Variants in MUC13 observed in about 807,000 individuals in gnomAD.
The protein encoded by MUC13 is mucin 13, cell surface associated.
Under a neutral mutation model 48.3 loss-of-function variants are expected in MUC13, and 32 were observed. That is an observed-to-expected ratio of 0.66 (90% CI 0.50 to 0.89). The LOEUF is 0.89. Among genes scored for constraint, MUC13 ranks in the 40% least tolerant of loss-of-function variants. The pLI, the probability that MUC13 is intolerant of heterozygous loss-of-function variation, is 0.00. For synonymous variants in MUC13, 199 were observed against 224.9 expected (o/e 0.88, Z 1.03); for missense variants, 571 against 622.8 (o/e 0.92, Z 0.88).
chr3:124,931,379 C>A (rs1275316390), intron 1 of MUC13, among the ~76,000 whole-genome samples: 2 of 144,460 alleles, frequency 1.4e-5, no homozygotes, highest in Admixed American at 7.1e-5. Context: ...TGCAGCGAGC[C>A]AAGATCGTGA....
chr3:124,922,192 C>G lies in MUC13; in HGVS notation c.744+5G>C. 6.2e-7 allele frequency: 1 copy of G among 1,613,640 alleles called. No homozygotes were observed. Among genetic ancestry groups the G allele is most frequent in the Non-Finnish European group, 8.5e-7 (1 of 1,179,872 alleles). On this transcript the variant is annotated splice_donor_5th_base_variant and intron_variant, in intron 4 of 11. Coordinates refer to ENST00000616727, the MANE Select transcript of MUC13 (RefSeq NM_033049.4). Reference sequence around the variant, plus strand: ...TTACAGAAAGGAAAGTTGGAAAATACTTACCAAGCTAGTAATTTCACTATG... The same window carrying G: ...TTACAGAAAGGAAAGTTGGAAAATAGTTACCAAGCTAGTAATTTCACTATG...
chr3:124,911,349 C>T (rs1382622683), intron 9 of MUC13, among the ~76,000 whole-genome samples: 1 of 152,194 alleles, frequency 6.6e-6, no homozygotes, highest in African/African-American at 2.4e-5. Context: ...ACTGGCAAAT[C>T]TGGGAAAGAC....
At chr3:124,919,354 TGG>T (rs1491245712) in intron 5 of MUC13, among the ~76,000 whole-genome samples, 3 of 103,360 alleles carry the variant, frequency 2.9e-5, no homozygotes, top group Non-Finnish European at 6.0e-5. Flanking sequence ...AAAAAAAAAA[TGG>T]TTTTTTTTTT....
At chr3:124,920,142 A>G in intron 5 of MUC13, 92 bp downstream of exon 5, 1 of 1,058,298 alleles carries the variant, frequency 9.4e-7, no homozygotes, top group Non-Finnish European at 1.4e-6. Flanking sequence ...GACTTGCCAC[A>G]GAGGGCCTTA....
At chr3:124,917,542 A>T (rs1935530257) in intron 5 of MUC13, among the ~76,000 whole-genome samples, 1 of 152,148 alleles carries the variant, frequency 6.6e-6, no homozygotes, top group South Asian at 2.1e-4. Flanking sequence ...GAATAAATGC[A>T]GAAGCCTGAA....
chr3:124,911,231 A>G (rs947937573), intron 9 of MUC13, among the ~76,000 whole-genome samples: 2 of 152,238 alleles, frequency 1.3e-5, no homozygotes, highest in African/African-American at 4.8e-5. Flanking sequence ...TGAAATGTGT[A>G]GCTCACATAA....
intron 2 of MUC13, among the ~76,000 whole-genome samples, chr3:124,927,152 C>G (rs1007671711): frequency 1.3e-5 from 2 of 152,126 alleles, no homozygotes; most frequent in Non-Finnish European, 2.9e-5. Flanking sequence ...AGAGCTAGAC[C>G]AGTGGTGCTG....
At chr3:124,926,452 C>T (rs577035842) in intron 2 of MUC13, among the ~76,000 whole-genome samples, 7 of 152,270 alleles carry the variant, frequency 4.6e-5, no homozygotes, top group South Asian at 2.1e-4. Flanking sequence ...CATTGGATCC[C>T]GCCTTCAGAG....
At chr3:124,922,067 G>A in intron 4 of MUC13, 130 bp downstream of exon 4, 1 of 1,094,596 alleles carries the variant, frequency 9.1e-7, no homozygotes, top group Non-Finnish European at 1.3e-6. Context: ...ACCAGTAAAG[G>A]TACATTTCAC....
At chr3:124,909,664 G>A (rs868278336) in intron 10 of MUC13, among the ~76,000 whole-genome samples, 23 of 151,878 alleles carry the variant, frequency 1.5e-4, no homozygotes, top group African/African-American at 4.8e-4. Context: ...CACCATGCCC[G>A]GCTAACGTGA....
intron 6 of MUC13, among the ~76,000 whole-genome samples, chr3:124,915,242 G>T (rs1434969784): frequency 6.6e-6 from 1 of 152,196 alleles, no homozygotes; most frequent in Non-Finnish European, 1.5e-5. Flanking sequence ...TGGGTTGACT[G>T]CAGTCATGAC....
intron 7 of MUC13, 77 bp from the exon 8 acceptor site, chr3:124,913,317 A>G: frequency 8.4e-6 from 13 of 1,556,010 alleles, no homozygotes; most frequent in African/African-American, 1.4e-5. Flanking sequence ...ACAACATGAC[A>G]GTGTCTTTCA....
intron 6 of MUC13, among the ~76,000 whole-genome samples, chr3:124,915,629 C>T (rs1282153663): frequency 2.6e-5 from 4 of 152,168 alleles, no homozygotes; most frequent in Non-Finnish European, 4.4e-5. Flanking sequence ...CCACTACCTT[C>T]GTAACACAGC....
chr3:124,910,359 C>T lies in MUC13; in HGVS notation c.1337+56G>A, dbSNP rs549079215. ...GACCAACATGGGCAACATAGTGAGA[C>T]CCCCCCATCTCTCTATAAAAAAAAA... is the stretch of plus-strand genomic sequence containing the variant. On this transcript the variant is annotated intron_variant, in intron 10 of 11. Transcript: ENST00000616727. 15 of 1,577,052 alleles carry T rather than the reference C, an allele frequency of 9.5e-6. No individual in the cohort carries two copies. The South Asian group carries it at 1.2e-4, about 12-fold the overall frequency.
At chr3:124,909,458 C>T (rs1935378538) in intron 10 of MUC13, among the ~76,000 whole-genome samples, 1 of 149,878 alleles carries the variant, frequency 6.7e-6, no homozygotes, top group East Asian at 2.0e-4. Flanking sequence ...AGCTAATAGC[C>T]ATGCAGAGAT....
chr3:124,919,119 C>T (rs963552024), intron 5 of MUC13, among the ~76,000 whole-genome samples: 7 of 151,724 alleles, frequency 4.6e-5, no homozygotes, highest in Non-Finnish European at 8.8e-5. Context: ...GGGTGGATCA[C>T]GAGGTCAGGA....
intron 6 of MUC13, among the ~76,000 whole-genome samples, chr3:124,915,620 C>T (rs1285594259): frequency 2.6e-5 from 4 of 152,172 alleles, no homozygotes; most frequent in African/African-American, 7.2e-5. Context: ...TGTTTTTGGC[C>T]ACTACCTTCG....
chr3:124,923,291 G>T (rs1191483299), intron 3 of MUC13, among the ~76,000 whole-genome samples: 1 of 152,160 alleles, frequency 6.6e-6, no homozygotes, highest in Non-Finnish European at 1.5e-5. Context: ...TTGTGACACA[G>T]AACTGAAGAT....
At chr3:124,909,153 C>CAA (rs111883732) in intron 10 of MUC13, among the ~76,000 whole-genome samples, 2 of 137,514 alleles carry the variant, frequency 1.5e-5, no homozygotes, top group African/African-American at 2.7e-5. Context: ...GACTCTGTCT[C>CAA]AAAAAAAAAA....
Sources: allele counts gnomAD v4.1 joint callset (sites outside exome capture counted in the v4.1 genomes callset), GRCh38; gene constraint gnomAD v4.1.1; transcripts MANE v1.5; gene names NCBI Gene and HGNC (gene_info 2026-07-23, HGNC 2026-07-21).